The following KIF16B variants were observed in gnomAD, a reference collection of about 807,000 sequenced individuals.
The protein encoded by KIF16B is kinesin family member 16B.
In KIF16B, 98 loss-of-function variants were observed where a neutral mutation model predicts 156.3. The ratio of observed to expected loss-of-function variants is 0.63; its 90% CI spans 0.53 to 0.74. KIF16B has a LOEUF of 0.74. Among genes scored for constraint, KIF16B ranks in the 30% least tolerant of loss-of-function variants. The probability of loss-of-function intolerance (pLI) is 0.00; values close to 1 mark genes in which losing one functional copy is unlikely to be tolerated. For synonymous variants in KIF16B, 564 were observed against 583.7 expected (o/e 0.97, Z 0.49); for missense variants, 1,421 against 1,606.5 (o/e 0.88, Z 1.97).
intron 20 of KIF16B, among the ~76,000 whole-genome samples, chr20:16,372,585 G>A (rs749852832): frequency 2.0e-5 from 3 of 152,234 alleles, no homozygotes; most frequent in Non-Finnish European, 4.4e-5. Flanking sequence ...AGGAAACAGA[G>A]AGACTAGAGA....
intron 24 of KIF16B, among the ~76,000 whole-genome samples, chr20:16,314,895 A>G (rs2063674192): frequency 1.3e-5 from 2 of 152,138 alleles, no homozygotes; most frequent in Non-Finnish European, 2.9e-5. Flanking sequence ...AGGTACAAGA[A>G]GAGCTCATCT....
chr20:16,367,379 G>A (rs886119508), intron 22 of KIF16B: 1 of 1,612,684 alleles, frequency 6.2e-7, no homozygotes, highest in African/African-American at 1.3e-5. Context: ...TTCTTTTCTG[G>A]AACAACAACA....
At position 16,379,478 on chromosome 20, in the gene KIF16B, C is replaced by T; in HGVS notation, c.2524G>A (p.Asp842Asn). 6.2e-7 allele frequency: 1 copy of T among 1,614,116 alleles called. No homozygotes were observed. The highest frequency in any genetic ancestry group is 8.5e-7 in the Non-Finnish European group (1 of 1,180,018). The change falls in exon 19 of 26, where the codon GAC becomes AAC. Residue 842 changes from aspartate to asparagine, a missense_variant. Asp to Asn is a conservative substitution (Grantham distance 23). Coordinates refer to ENST00000354981, the MANE Select transcript of KIF16B (RefSeq NM_024704.5). ...QLVKLVNLEK[D>N]LVQQKDILKK... ...AGGATGTCTTTCTGCTGAACCAGGT[C>T]CTTCTCCAAGTTCACTAGCTTGACA...
chr20:16,314,180 T>C (rs917405080), intron 24 of KIF16B, among the ~76,000 whole-genome samples: 9 of 152,248 alleles, frequency 5.9e-5, no homozygotes, highest in Admixed American at 5.9e-4. Flanking sequence ...ATGACTGATG[T>C]TGTCAAACAA....
At chr20:16,319,353 G>T (rs933585075) in intron 24 of KIF16B, among the ~76,000 whole-genome samples, 1 of 152,176 alleles carries the variant, frequency 6.6e-6, no homozygotes, top group Non-Finnish European at 1.5e-5. Context: ...ACTATCTTCA[G>T]ATTTTTTTCT....
intron 25 of KIF16B, among the ~76,000 whole-genome samples, chr20:16,281,251 A>C (rs1209022545): frequency 6.6e-6 from 1 of 152,230 alleles, no homozygotes; most frequent in African/African-American, 2.4e-5. Flanking sequence ...ACATATTAAC[A>C]GAGAAAGGAG....
At chr20:16,473,018 A>T (rs1376302184) in intron 12 of KIF16B, among the ~76,000 whole-genome samples, 1 of 152,194 alleles carries the variant, frequency 6.6e-6, no homozygotes, top group South Asian at 2.1e-4. Context: ...AGGTTTTTTT[A>T]GCAGAAAAAT....
chr20:16,327,769 A>T (rs972725373), intron 24 of KIF16B, among the ~76,000 whole-genome samples: 2 of 152,126 alleles, frequency 1.3e-5, no homozygotes, highest in African/African-American at 2.4e-5. Context: ...CTGATAATGT[A>T]CAAGGTCAGG....
At position 16,440,470 on chromosome 20, in the gene KIF16B, C is replaced by T. The variant is rs181517284; in HGVS notation, c.1303-10488G>A. 1.5e-4 allele frequency among the ~76,000 whole-genome samples: 22 copies of T among 150,116 alleles called. No individual in the cohort carries two copies. In the East Asian group the frequency reaches 3.3e-3, roughly 23 times the overall value. On this transcript the variant is annotated intron_variant, in intron 12 of 25. Coordinates refer to ENST00000354981, the MANE Select transcript of KIF16B (RefSeq NM_024704.5). Reference sequence around the variant, plus strand: ...ATGAACTAAAAATATAAAAGCCTTGCTTTTTCCATGACTTTAAAACAATCC... The same window carrying T: ...ATGAACTAAAAATATAAAAGCCTTGTTTTTTCCATGACTTTAAAACAATCC...
At chr20:16,492,785 A>C (rs1199445779) in intron 12 of KIF16B, among the ~76,000 whole-genome samples, 1 of 152,084 alleles carries the variant, frequency 6.6e-6, no homozygotes, top group South Asian at 2.1e-4. Context: ...CACTATGTAT[A>C]CTAAGGACTT....
intron 1 of KIF16B, among the ~76,000 whole-genome samples, chr20:16,544,809 A>G (rs951859701): frequency 2.6e-5 from 4 of 152,006 alleles, no homozygotes; most frequent in African/African-American, 9.7e-5. Context: ...TGCTCTTCAT[A>G]TATTTCACAA....
intron 23 of KIF16B, among the ~76,000 whole-genome samples, chr20:16,346,279 C>T (rs867537349): frequency 1.3e-5 from 2 of 152,188 alleles, no homozygotes; most frequent in Admixed American, 6.5e-5. Flanking sequence ...TCGATCTGCC[C>T]GTCTGTGGGT....
chr20:16,455,978 C>A (rs1188039341), intron 12 of KIF16B, among the ~76,000 whole-genome samples: 1 of 152,154 alleles, frequency 6.6e-6, no homozygotes, highest in Non-Finnish European at 1.5e-5. Context: ...ACCAACCTGT[C>A]CTTGACAACA....
At chr20:16,367,773 G>A (rs1347212152) in intron 22 of KIF16B, 10 of 1,612,414 alleles carry the variant, frequency 6.2e-6, no homozygotes, top group African/African-American at 2.7e-5. Flanking sequence ...GATGATTAGC[G>A]CAGGCAGCGG....
At chr20:16,475,079 A>G (rs1423976176) in intron 12 of KIF16B, among the ~76,000 whole-genome samples, 1 of 152,360 alleles carries the variant, frequency 6.6e-6, no homozygotes, top group East Asian at 1.9e-4. Flanking sequence ...CAGTTCTTTC[A>G]CAAGAGAAAA....
intron 12 of KIF16B, among the ~76,000 whole-genome samples, chr20:16,491,981 T>G (rs1352830541): frequency 2.0e-5 from 3 of 152,188 alleles, no homozygotes; most frequent in Admixed American, 6.5e-5. Flanking sequence ...CTGACTTCAA[T>G]GGACCTTCTC....
At chr20:16,555,453 C>T (rs529655471) in intron 1 of KIF16B, among the ~76,000 whole-genome samples, 8 of 152,234 alleles carry the variant, frequency 5.3e-5, no homozygotes, top group South Asian at 4.1e-4. Flanking sequence ...TGCAAAAGTT[C>T]GGGATTATGA....
rs535434007 is a variant in KIF16B, at chr20:16,443,253, T to G, written c.1303-13271A>C. Among the ~76,000 whole-genome samples the G allele has an allele frequency of 2.0e-5, 3 of 152,254 alleles. No homozygotes were observed. The South Asian group carries it at 6.2e-4, about 32-fold the overall frequency. On this transcript the variant is annotated intron_variant, in intron 12 of 25. Transcript: ENST00000354981. ...CAAATTTGTCTAATAAATCAAACTG[T>G]TCAAACTACTGCTTATGCCATGAGT...
chr20:16,495,758 C>T (rs999728364), intron 11 of KIF16B, among the ~76,000 whole-genome samples: 3 of 152,086 alleles, frequency 2.0e-5, no homozygotes, highest in Non-Finnish European at 2.9e-5. Context: ...GGCGTAATCA[C>T]GGCTCACCAT....
Sources: gnomAD v4.1 joint callset for allele counts (sites outside exome capture counted in the v4.1 genomes callset) on GRCh38, gnomAD v4.1.1 for gene constraint, MANE v1.5 for transcripts, NCBI Gene and HGNC (gene_info 2026-07-23, HGNC 2026-07-21) for gene names.